Variants in OR9Q1 observed in about 807,000 individuals in gnomAD.
The protein encoded by OR9Q1 is olfactory receptor family 9 subfamily Q member 1.
For missense variants in OR9Q1, 374 were observed against 378.8 expected, an observed-to-expected ratio of 0.99 and a Z score of 0.11; for synonymous variants, 153 against 148.6, an observed-to-expected ratio of 1.03 and a Z score of -0.22.
intron 2 of OR9Q1, among the ~76,000 whole-genome samples, chr11:58,136,512 G>T (rs1854190607): frequency 6.6e-6 from 1 of 152,124 alleles, no homozygotes; most frequent in East Asian, 1.9e-4. Flanking sequence ...TCCCTGCCTG[G>T]AGATTTTGAG....
chr11:58,104,185 A>G (rs974855118), intron 2 of OR9Q1, among the ~76,000 whole-genome samples: 3 of 152,172 alleles, frequency 2.0e-5, no homozygotes, highest in Admixed American at 1.3e-4. Context: ...ATATGAAAAA[A>G]TATATACTGA....
chr11:58,119,047 G>A lies in OR9Q1; in HGVS notation c.-14-60384G>A, dbSNP rs745948398. On this transcript the variant is annotated intron_variant, in intron 2 of 2. Transcript: ENST00000335397. ...GCAGAGCCTGGGATTCATGGCCACG[G>A]TATAGAGCAGTGGGTTGCGAATGGC... 2 of 1,614,044 alleles carry A rather than the reference G, an allele frequency of 1.2e-6. 1 individual carries two copies. The highest frequency in any genetic ancestry group is 2.2e-5 in the South Asian group (2 of 91,082).
chr11:58,064,226 C>T lies in OR9Q1; in HGVS notation c.-15+8279C>T, dbSNP rs73476473. Reference sequence around the variant, plus strand: ...GTGTCATTTCTTTGTCATTCTGTTGCAAATCAGAGAAAGATAGCCGCAAAC... The same window carrying T: ...GTGTCATTTCTTTGTCATTCTGTTGTAAATCAGAGAAAGATAGCCGCAAAC... On this transcript the variant is annotated intron_variant, in intron 2 of 2. Coordinates refer to ENST00000335397, the MANE Select transcript of OR9Q1 (RefSeq NM_001005212.4). 3.6e-3 allele frequency among the ~76,000 whole-genome samples: 545 copies of T among 152,316 alleles called. 4 individuals are homozygous for T. Among genetic ancestry groups the T allele is most frequent in the African/African-American group, 0.013 (528 of 41,576 alleles).
intron 2 of OR9Q1, among the ~76,000 whole-genome samples, chr11:58,090,807 C>A (rs530682295): frequency 6.6e-6 from 1 of 152,226 alleles, no homozygotes; most frequent in East Asian, 1.9e-4. Context: ...TTAATTACTG[C>A]CTGAATTTCA....
At chr11:58,139,390 A>G (rs1423972691) in intron 2 of OR9Q1, among the ~76,000 whole-genome samples, 1 of 151,812 alleles carries the variant, frequency 6.6e-6, no homozygotes, top group Non-Finnish European at 1.5e-5. Context: ...CCATTAACTC[A>G]TTATTTAACA....
intron 2 of OR9Q1, among the ~76,000 whole-genome samples, chr11:58,094,210 T>A (rs1271711045): frequency 6.6e-6 from 1 of 152,172 alleles, no homozygotes; most frequent in Non-Finnish European, 1.5e-5. Flanking sequence ...AAATACTGAA[T>A]GTTCTTACTT....
intron 2 of OR9Q1, among the ~76,000 whole-genome samples, chr11:58,166,793 A>C (rs1418310065): frequency 6.6e-6 from 1 of 152,202 alleles, no homozygotes; most frequent in Non-Finnish European, 1.5e-5. Flanking sequence ...TATTCTTTTC[A>C]TGCTCTGAGG....
chr11:58,104,302 G>A (rs1273614239), intron 2 of OR9Q1, among the ~76,000 whole-genome samples: 1 of 150,770 alleles, frequency 6.6e-6, no homozygotes. Flanking sequence ...GGATAAAGAG[G>A]AAGAAGGATA....
intron 2 of OR9Q1, among the ~76,000 whole-genome samples, chr11:58,098,689 A>G (rs570116872): frequency 9.9e-5 from 15 of 152,264 alleles, no homozygotes; most frequent in Non-Finnish European, 1.8e-4. Context: ...TTGTTGAGGT[A>G]TAATTGACAT....
chr11:58,037,689 ATTTTTTT>A (rs554392577), intron 1 of OR9Q1, among the ~76,000 whole-genome samples: 7 of 6,996 alleles, frequency 1.0e-3, no homozygotes, highest in Admixed American at 3.1e-3. Flanking sequence ...ATATATATAT[ATTTTTTT>A]TTTTTTTTTT....
Position 58,048,623 on chromosome 11 carries a change from C to A in OR9Q1, c.-92-7247C>A, listed in dbSNP as rs959894836. Among the ~76,000 whole-genome samples the A allele has an allele frequency of 2.7e-5, 4 of 149,018 alleles. No individual in the cohort carries two copies. The East Asian group carries it at 6.0e-4, about 22-fold the overall frequency. On this transcript the variant is annotated intron_variant, in intron 1 of 2. Transcript: ENST00000335397. ...GGTGGAGGTTGCAGTCAGCTGAGAT[C>A]GCACCACTGCACTCCAGCCTGGGCA...
intron 2 of OR9Q1, among the ~76,000 whole-genome samples, chr11:58,142,658 G>A (rs1854261763): frequency 6.6e-6 from 1 of 152,102 alleles, no homozygotes; most frequent in South Asian, 2.1e-4. Context: ...GATGGAAAGA[G>A]GACAAGAAGA....
intron 2 of OR9Q1, chr11:58,073,072 C>A: frequency 4.8e-6 from 1 of 207,808 alleles, no homozygotes. Context: ...ATGCCTGTCT[C>A]ATATACATAT....
chr11:58,178,117 C>T (rs971006468), intron 2 of OR9Q1, among the ~76,000 whole-genome samples: 3 of 152,058 alleles, frequency 2.0e-5, no homozygotes, highest in African/African-American at 7.2e-5. Context: ...GATTTAGAAG[C>T]AAGAAAGGAA....
intron 2 of OR9Q1, among the ~76,000 whole-genome samples, chr11:58,090,693 T>C (rs922254461): frequency 1.3e-5 from 2 of 152,142 alleles, no homozygotes; most frequent in Non-Finnish European, 2.9e-5. Context: ...TTTTCTATTG[T>C]TTGGAATAGT....
At chr11:58,066,057 A>C (rs1225097765) in intron 2 of OR9Q1, among the ~76,000 whole-genome samples, 1 of 152,126 alleles carries the variant, frequency 6.6e-6, no homozygotes, top group Non-Finnish European at 1.5e-5. Flanking sequence ...ACAGGTCTGG[A>C]GTCCCCAGCT....
intron 2 of OR9Q1, among the ~76,000 whole-genome samples, chr11:58,096,806 C>A (rs914833563): frequency 6.6e-6 from 1 of 150,602 alleles, no homozygotes; most frequent in Admixed American, 6.7e-5. Context: ...CGGGTTCAAG[C>A]AATTCTCCTG....
intron 2 of OR9Q1, among the ~76,000 whole-genome samples, chr11:58,097,212 T>A (rs1344614699): frequency 6.6e-6 from 1 of 152,228 alleles, no homozygotes; most frequent in Non-Finnish European, 1.5e-5. Context: ...ATATGAATAT[T>A]CTACAGTTTG....
At chr11:58,059,612 C>T (rs1007552824) in intron 2 of OR9Q1, among the ~76,000 whole-genome samples, 5 of 139,062 alleles carry the variant, frequency 3.6e-5, no homozygotes, top group East Asian at 5.2e-4. Flanking sequence ...TGCTTGAACC[C>T]GGGAGACAGA....
Sources: allele counts gnomAD v4.1 joint callset (sites outside exome capture counted in the v4.1 genomes callset), GRCh38; gene constraint gnomAD v4.1.1; transcripts MANE v1.5; gene names NCBI Gene and HGNC (gene_info 2026-07-23, HGNC 2026-07-21).